The following KY variants were observed in gnomAD, a reference collection of about 807,000 sequenced individuals.
The protein encoded by KY is kyphoscoliosis peptidase.
KY carries 43 observed loss-of-function variants against 76.1 expected under a neutral mutation model. The ratio of observed to expected loss-of-function variants is 0.57; its 90% CI spans 0.44 to 0.73. The LOEUF (loss-of-function observed/expected upper bound fraction) is 0.73. Among genes scored for constraint, KY ranks in the 30% least tolerant of loss-of-function variants. The probability of loss-of-function intolerance (pLI) is 0.00; values close to 1 mark genes in which losing one functional copy is unlikely to be tolerated. For synonymous variants in KY, 277 were observed against 326.2 expected (o/e 0.85, Z 1.63); for missense variants, 722 against 828.9 (o/e 0.87, Z 1.58).
rs959743412 is a variant in KY at position 134,607,140 on chromosome 3, G to T, written c.1090+1509C>A. 4 of 985,286 alleles carry T rather than the reference G, an allele frequency of 4.1e-6. No individual in the cohort carries two copies. The African/African-American group carries it at 7.0e-5, about 17-fold the overall frequency. The allele number at this position is 985,286 out of a possible 1,614,324, so 61.0% of individuals were successfully genotyped here. A position where few individuals can be genotyped will look rare whatever the true frequency, so the allele number is the denominator to read the frequency against. On this transcript the variant is annotated intron_variant, in intron 10 of 10. Coordinates refer to ENST00000423778, the MANE Select transcript of KY (RefSeq NM_178554.6). ...TGCTTTGACCTGGTCAGTTCTTTCC[G>T]ATATTTCCACGGCCTATGATACATT...
At chr3:134,624,850 G>A (rs1314149715) in intron 6 of KY, among the ~76,000 whole-genome samples, 3 of 152,184 alleles carry the variant, frequency 2.0e-5, no homozygotes, top group Non-Finnish European at 4.4e-5. Flanking sequence ...GGTGGGCTGG[G>A]GGATGGAATG....
intron 8 of KY, among the ~76,000 whole-genome samples, chr3:134,611,912 C>A (rs150265915): frequency 5.1e-4 from 77 of 152,294 alleles, no homozygotes; most frequent in African/African-American, 1.8e-3. Flanking sequence ...TTAAAATTAG[C>A]AAAATATTGG....
intron 10 of KY, chr3:134,607,733 C>T (rs189753104): frequency 6.7e-5 from 66 of 985,786 alleles, no homozygotes; most frequent in East Asian, 1.1e-4. Flanking sequence ...GCCATGGCTC[C>T]GTGGTGAAGG....
intron 10 of KY, 128 bp from the exon 11 acceptor site, chr3:134,604,602 TTAA>T (rs1959122746): frequency 1.3e-6 from 1 of 774,092 alleles, no homozygotes; most frequent in African/African-American, 1.7e-5. Context: ...TTCCACGGTG[TTAA>T]TACTTTCACC....
intron 6 of KY, among the ~76,000 whole-genome samples, chr3:134,624,040 T>C (rs1021931594): frequency 1.3e-5 from 2 of 152,216 alleles, no homozygotes; most frequent in African/African-American, 2.4e-5. Context: ...TTCCCCTGGA[T>C]GTGCCACAGA....
At chr3:134,634,763 A>G (rs1168552253) in intron 3 of KY, among the ~76,000 whole-genome samples, 2 of 152,220 alleles carry the variant, frequency 1.3e-5, no homozygotes, top group Non-Finnish European at 2.9e-5. Flanking sequence ...GAGAGGGCCA[A>G]CTTTTCCTAC....
chr3:134,619,372 A>G, intron 7 of KY, 107 bp from the exon 8 acceptor site: 1 of 811,714 alleles, frequency 1.2e-6, no homozygotes, highest in South Asian at 1.4e-5. Flanking sequence ...AGGAAACTAC[A>G]GTGGGCTGAA....
intron 5 of KY, among the ~76,000 whole-genome samples, chr3:134,626,890 C>T (rs1963528797): frequency 6.6e-6 from 1 of 152,188 alleles, no homozygotes. Context: ...TTTTCAGTGC[C>T]CTCTTGCTCT....
At position 134,600,956 on chromosome 3, in the gene KY, A is replaced by G. The variant is rs1216383590; in HGVS notation, c.*2623T>C. ...TCCACAGCATTTTCAAGTTCTGCGA[A>G]AAAGCCCGGTGATAGATCAGCCTCG... On this transcript the variant is annotated 3_prime_UTR_variant, in exon 11 of 11. Coordinates refer to ENST00000423778, the MANE Select transcript of KY (RefSeq NM_178554.6). 6.6e-6 allele frequency: 1 copy of G among 152,242 alleles called. No individual in the cohort carries two copies. The highest frequency in any genetic ancestry group is 1.5e-5 in the Non-Finnish European group (1 of 68,050). 9.4% of individuals were successfully genotyped at this position (152,242 alleles called of 1,614,324 possible).
At chr3:134,613,460 C>G (rs902643118) in intron 8 of KY, among the ~76,000 whole-genome samples, 1 of 152,140 alleles carries the variant, frequency 6.6e-6, no homozygotes, top group South Asian at 2.1e-4. Flanking sequence ...CTGTACTGCT[C>G]TGAGTGGGGG....
chr3:134,616,572 A>G (rs1446476911), intron 8 of KY, among the ~76,000 whole-genome samples: 1 of 152,218 alleles, frequency 6.6e-6, no homozygotes, highest in African/African-American at 2.4e-5. Flanking sequence ...AGCTATTGCT[A>G]CACATCTCAG....
intron 8 of KY, chr3:134,612,826 GGAGT>G (rs1960763946): frequency 6.6e-6 from 1 of 150,792 alleles, no homozygotes; most frequent in Non-Finnish European, 1.5e-5. Flanking sequence ...GGAGGGGCAG[GGAGT>G]GAGAGGGGGA....
chr3:134,636,272 CA>C (rs1964954504), intron 3 of KY, among the ~76,000 whole-genome samples: 1 of 152,202 alleles, frequency 6.6e-6, no homozygotes, highest in Non-Finnish European at 1.5e-5. Flanking sequence ...AGAGAATGCC[CA>C]TTGTGCACAT....
intron 2 of KY, among the ~76,000 whole-genome samples, chr3:134,645,256 A>G (rs1577828925): frequency 6.6e-6 from 1 of 152,254 alleles, no homozygotes; most frequent in South Asian, 2.1e-4. Flanking sequence ...GGGCCCAAAC[A>G]CCTGCTGCTT....
intron 10 of KY, chr3:134,608,279 G>T (rs1452159542): frequency 8.3e-7 from 1 of 1,208,492 alleles, no homozygotes; most frequent in Non-Finnish European, 1.0e-6. Context: ...TCCCTGCTAT[G>T]TGAACTGAGA....
chr3:134,627,909 T>G, intron 4 of KY, 91 bp from the exon 5 acceptor site: 1 of 959,618 alleles, frequency 1.0e-6, no homozygotes, highest in East Asian at 2.4e-5. Context: ...TCCTTGCTTT[T>G]GACCCCTCCT....
At chr3:134,640,792 C>T (rs746596304) in intron 3 of KY, among the ~76,000 whole-genome samples, 1 of 152,226 alleles carries the variant, frequency 6.6e-6, no homozygotes, top group South Asian at 2.1e-4. Flanking sequence ...TGACTCCTCT[C>T]TTGTATACCC....
At chr3:134,646,215 A>G (rs1966419122) in intron 2 of KY, among the ~76,000 whole-genome samples, 1 of 152,150 alleles carries the variant, frequency 6.6e-6, no homozygotes, top group African/African-American at 2.4e-5. Flanking sequence ...TTTGGCGTCT[A>G]CTTCAGTAGA....
intron 3 of KY, among the ~76,000 whole-genome samples, chr3:134,637,711 T>G (rs1293808852): frequency 6.6e-6 from 1 of 152,256 alleles, no homozygotes; most frequent in African/African-American, 2.4e-5. Flanking sequence ...CCACTTCCAA[T>G]AAGTCACAGT....
Sources: gnomAD v4.1 joint callset for allele counts (sites outside exome capture counted in the v4.1 genomes callset) on GRCh38, gnomAD v4.1.1 for gene constraint, MANE v1.5 for transcripts, NCBI Gene and HGNC (gene_info 2026-07-23, HGNC 2026-07-21) for gene names.